PRDM12: variants seen among roughly 807,000 people sequenced by gnomAD.
PRDM12 encodes the protein PR/SET domain 12.
A neutral mutation model predicts 29.6 loss-of-function variants in PRDM12; 17 were observed. That is an observed-to-expected ratio of 0.57 (90% confidence interval 0.39 to 0.86). The LOEUF (loss-of-function observed/expected upper bound fraction) is 0.86, where lower values mean the gene tolerates loss of function less well. Ranked by LOEUF, PRDM12 falls within the 40% of genes least tolerant of loss-of-function variation. The pLI, the probability that PRDM12 is intolerant of heterozygous loss-of-function variation, is 0.00. For missense variants in PRDM12, 422 were observed against 510.8 expected (o/e 0.83, Z 1.68); for synonymous variants, 231 against 225.8 (o/e 1.02, Z -0.21).
At position 130,681,991 on chromosome 9, in the gene PRDM12, C is replaced by A. The variant is rs1031482786; in HGVS notation, c.*322C>A. On this transcript the variant is annotated 3_prime_UTR_variant, in exon 5 of 5. Coordinates refer to ENST00000253008, the MANE Select transcript of PRDM12 (RefSeq NM_021619.3). This position sits in a 1 kb window ranked among gnomAD's most constrained non-coding sequence, Gnocchi z 8.1. ...AGAGCCGGGCGCCCAGGCCGGCATC[C>A]CCCTCGTGGGTGGCAGGAGAGCGGA... 1 of 154,164 alleles carries A rather than the reference C, an allele frequency of 6.5e-6. No individual in the cohort carries two copies. Among genetic ancestry groups the A allele is most frequent in the Non-Finnish European group, 1.4e-5 (1 of 69,864 alleles). The allele number at this position is 154,164 out of a possible 1,614,324, so 9.5% of individuals were successfully genotyped here.
Position 130,676,265 on chromosome 9 carries a change from C to A in PRDM12, c.571-2264C>A, listed in dbSNP as rs572718465. On this transcript the variant is annotated intron_variant, in intron 3 of 4. Transcript: ENST00000253008. ...CAGCAATTTGGGAGACCGAGGCGGGCGGATCACGAGATCAGGAGATCGAGA... is the reference window on the plus strand; with the variant it reads ...CAGCAATTTGGGAGACCGAGGCGGGAGGATCACGAGATCAGGAGATCGAGA... Among the ~76,000 whole-genome samples, 8 of 152,116 alleles carry A rather than the reference C, an allele frequency of 5.3e-5. No homozygotes were observed. In the East Asian group the frequency reaches 1.4e-3, roughly 26 times the overall value.
intron 3 of PRDM12, among the ~76,000 whole-genome samples, chr9:130,671,341 TCAA>T (rs111668015): frequency 2.4e-4 from 35 of 148,186 alleles, no homozygotes; most frequent in Admixed American, 8.1e-4. Context: ...AGACTCCGTC[TCAA>T]CAACAACAAC....
In PRDM12 at chr9:130,664,599, C is replaced by T; in HGVS notation, c.-55C>T. 1 of 1,416,986 alleles carries T rather than the reference C, an allele frequency of 7.1e-7. No individual in the cohort carries two copies. Among genetic ancestry groups the T allele is most frequent in the Non-Finnish European group, 9.4e-7 (1 of 1,068,202 alleles). 87.8% of individuals were successfully genotyped at this position (1,416,986 alleles called of 1,614,324 possible). A position where few individuals can be genotyped will look rare whatever the true frequency, so the allele number is the denominator to read the frequency against. On this transcript the variant is annotated 5_prime_UTR_variant, in exon 1 of 5. Coordinates refer to ENST00000253008, the MANE Select transcript of PRDM12 (RefSeq NM_021619.3). This position sits in a 1 kb window ranked among gnomAD's most constrained non-coding sequence, Gnocchi z 6.4. ...CCCCTTGGGCTCCCCTCTCGCCCGC[C>T]CACCTCCCCCGTCGGCCCGGCCGTC...
In PRDM12 at chr9:130,681,723, G is replaced by C. The variant is rs1056114285; in HGVS notation, c.*54G>C. ...GCGCTCCTGGGTCCCCGGCACCCCGGCCCCGCAGCGCGACTCGCCCTCCAG... is the reference window on the plus strand; with the variant it reads ...GCGCTCCTGGGTCCCCGGCACCCCGCCCCCGCAGCGCGACTCGCCCTCCAG... On this transcript the variant is annotated 3_prime_UTR_variant, in exon 5 of 5. Transcript: ENST00000253008. The surrounding 1 kb of genome is among the most constrained non-coding windows in gnomAD (Gnocchi z 8.1). 7 of 979,840 alleles carry C rather than the reference G, an allele frequency of 7.1e-6. No individual in the cohort carries two copies. Among genetic ancestry groups the C allele is most frequent in the Non-Finnish European group, 8.5e-6 (7 of 826,274 alleles). 60.7% of individuals were successfully genotyped at this position (979,840 alleles called of 1,614,324 possible). A position where few individuals can be genotyped will look rare whatever the true frequency, so the allele number is the denominator to read the frequency against.
chr9:130,681,843 C>A lies in PRDM12; in HGVS notation c.*174C>A. On this transcript the variant is annotated 3_prime_UTR_variant, in exon 5 of 5. Coordinates refer to ENST00000253008, the MANE Select transcript of PRDM12 (RefSeq NM_021619.3). This position sits in a 1 kb window ranked among gnomAD's most constrained non-coding sequence, Gnocchi z 8.1. ...GGCACCCCCGCCTTGGCCCGTGTCGCAGATGAGGACACTGAGGGCGGCGTC... is the reference window on the plus strand; with the variant it reads ...GGCACCCCCGCCTTGGCCCGTGTCGAAGATGAGGACACTGAGGGCGGCGTC... 1.9e-6 allele frequency: 1 copy of A among 522,870 alleles called. No homozygotes were observed. Among genetic ancestry groups the A allele is most frequent in the Non-Finnish European group, 2.5e-6 (1 of 407,454 alleles). 32.4% of individuals were successfully genotyped at this position (522,870 alleles called of 1,614,324 possible). A position where few individuals can be genotyped will look rare whatever the true frequency, so the allele number is the denominator to read the frequency against.
intron 4 of PRDM12, among the ~76,000 whole-genome samples, chr9:130,680,659 A>ATATATATTTTTT: frequency 7.8e-4 from 56 of 72,162 alleles, no homozygotes; most frequent in African/African-American, 2.5e-3. Context: ...ATATATATAT[A>ATATATATTTTTT]TTTTTTTTTT....
At chr9:130,680,058 C>T (rs1198045955) in intron 4 of PRDM12, among the ~76,000 whole-genome samples, 7 of 151,980 alleles carry the variant, frequency 4.6e-5, no homozygotes, top group South Asian at 4.1e-4. Context: ...TTCTCTAGGC[C>T]GGGCATGGTG....
chr9:130,666,905 C>A, intron 2 of PRDM12, 107 bp downstream of exon 2: 1 of 1,419,928 alleles, frequency 7.0e-7, no homozygotes, highest in Non-Finnish European at 9.4e-7. Context: ...CTGAGAGCGG[C>A]GGACACTCCT....
Position 130,666,739 on chromosome 9 carries a change from G to A in PRDM12, c.355G>A (p.Gly119Ser). ...GGGAACCGAGATGGGCCCCTTCACC[G>A]GCCGCGTGATCGCCCCGGAGCACGT... ...KAGTEMGPFT[G>S]RVIAPEHVDI... is the part of the protein sequence containing the mutation. The change falls in exon 2 of 5, where the codon GGC becomes AGC. Residue 119 changes from glycine (G) to serine (S), a missense_variant. Around this residue, in one of 5 missense-constraint regions of PRDM12, gnomAD observed 300 missense variants for 350.0 expected, o/e 0.86. Transcript: ENST00000253008. 6.2e-7 allele frequency: 1 copy of A among 1,612,860 alleles called. No homozygotes were observed. The highest frequency in any genetic ancestry group is 1.1e-5 in the South Asian group (1 of 90,908).
In PRDM12 at chr9:130,668,091, T is replaced by C. The variant is rs747340320; in HGVS notation, c.415-67T>C. ...TGAGGATGGAGAGTGTGTGTGTGGA[T>C]GTGCCTGGAAGATGGTACACATGGC... On this transcript the variant is annotated intron_variant, in intron 2 of 4. Transcript: ENST00000253008. The surrounding 1 kb of genome is among the most constrained non-coding windows in gnomAD (Gnocchi z 4.0). 42 of 1,555,558 alleles carry C rather than the reference T, an allele frequency of 2.7e-5. No individual in the cohort carries two copies. Among genetic ancestry groups the C allele is most frequent in the Non-Finnish European group, 3.5e-5 (40 of 1,132,540 alleles).
chr9:130,670,780 A>G (rs955299547), intron 3 of PRDM12, among the ~76,000 whole-genome samples: 3 of 152,182 alleles, frequency 2.0e-5, no homozygotes, highest in African/African-American at 7.2e-5. Context: ...ACGCACACAC[A>G]TACCCACACA....
In PRDM12 at chr9:130,668,316, G is replaced by A. The variant is rs1252396641; in HGVS notation, c.570+3G>A. 3 of 1,608,132 alleles carry A rather than the reference G, an allele frequency of 1.9e-6. No individual in the cohort carries two copies. The East Asian group carries it at 6.7e-5, about 36-fold the overall frequency. Reference sequence around the variant, plus strand: ...GCATCTTCTACAAGGCCATTGAGGTGTGTGTGTGTGTGTGCACTGTTGTGT... The same window carrying A: ...GCATCTTCTACAAGGCCATTGAGGTATGTGTGTGTGTGTGCACTGTTGTGT... On this transcript the variant is annotated splice_donor_region_variant and intron_variant, in intron 3 of 4. Transcript: ENST00000253008. The surrounding 1 kb of genome is among the most constrained non-coding windows in gnomAD (Gnocchi z 4.0).
intron 3 of PRDM12, among the ~76,000 whole-genome samples, chr9:130,675,506 G>C (rs1830833845): frequency 6.6e-6 from 1 of 152,358 alleles, no homozygotes; most frequent in South Asian, 2.1e-4. Flanking sequence ...AGCTCTGCTG[G>C]CTCAGTGAGC....
chr9:130,675,041 G>A (rs1314037738), intron 3 of PRDM12, among the ~76,000 whole-genome samples: 1 of 152,002 alleles, frequency 6.6e-6, no homozygotes, highest in Non-Finnish European at 1.5e-5. Flanking sequence ...CACCACGCCT[G>A]GCTAATTTTT....
rs776616682 is a variant in PRDM12, at chr9:130,674,532, G to GTGTGTA, written c.571-3996_571-3995insGTGTAT. ...TGTGTGTGTGTGTGTGTGTGTGTGTGTATAGAAGTAATATGTGCTCATTAT... is the reference window on the plus strand; with the variant it reads ...TGTGTGTGTGTGTGTGTGTGTGTGTGTGTGTATATAGAAGTAATATGTGCTCATTAT... On this transcript the variant is annotated intron_variant, in intron 3 of 4. Coordinates refer to ENST00000253008, the MANE Select transcript of PRDM12 (RefSeq NM_021619.3). 3.5e-5 allele frequency among the ~76,000 whole-genome samples: 5 copies of GTGTGTA among 144,678 alleles called. 1 individual carries two copies. Among genetic ancestry groups the GTGTGTA allele is most frequent in the Admixed American group, 2.8e-4 (4 of 14,516 alleles). The allele number at this position is 144,678 out of a possible 152,430, so 94.9% of individuals were successfully genotyped here.
chr9:130,664,681 G>A lies in PRDM12; in HGVS notation c.28G>A (p.Ala10Thr). The change falls in exon 1 of 5, where the codon GCC (alanine) becomes ACC (threonine). Residue 10 changes from alanine to threonine, a missense_variant. By Grantham distance (58) the Ala-to-Thr change is moderately conservative. Coordinates refer to ENST00000253008, the MANE Select transcript of PRDM12 (RefSeq NM_021619.3). The surrounding 1 kb of genome is among the most constrained non-coding windows in gnomAD (Gnocchi z 6.4). ...GATGGGCTCCGTGCTCCCGGCTGAG[G>A]CCCTGGTGCTCAAGACCGGGCTGAA... Reference protein sequence around the residue: MMGSVLPAEALVLKTGLKAP... With the variant: MMGSVLPAETLVLKTGLKAP... The A allele has an allele frequency of 6.2e-7, 1 of 1,604,426 alleles. No homozygotes were observed. Among genetic ancestry groups the A allele is most frequent in the Non-Finnish European group, 8.5e-7 (1 of 1,178,108 alleles).
chr9:130,664,798 C>G lies in PRDM12; in HGVS notation c.145C>G (p.Leu49Val). The part of the protein sequence containing the change: ...GRWRNVLGEQ[L>V]FEDKSHHASP... ...CTGGCGCAACGTGCTCGGGGAGCAG[C>G]TCTTCGAGGACAAGAGCCACCACGC... is the stretch of plus-strand genomic sequence containing the variant. Residue 49 changes from leucine to valine, a missense_variant, in exon 1 of 5, where the codon CTC becomes GTC. Physicochemically the swap from Leu to Val is conservative, Grantham distance 32 (BLOSUM62 1). Transcript: ENST00000253008. The surrounding 1 kb of genome is among the most constrained non-coding windows in gnomAD (Gnocchi z 6.4). The G allele has an allele frequency of 6.3e-7, 1 of 1,588,682 alleles. No homozygotes were observed.
In PRDM12 at chr9:130,668,405, T is replaced by C; in HGVS notation, c.570+92T>C. ...GGGCAGCGGTGTCCAGGAACCACAG[T>C]GGACAGAGGGGAGCTGACACTGGCC... is the stretch of plus-strand genomic sequence containing the variant. On this transcript the variant is annotated intron_variant, in intron 3 of 4. Coordinates refer to ENST00000253008, the MANE Select transcript of PRDM12 (RefSeq NM_021619.3). This position sits in a 1 kb window ranked among gnomAD's most constrained non-coding sequence, Gnocchi z 4.0. The C allele has an allele frequency of 1.3e-6, 2 of 1,570,438 alleles. No homozygotes were observed. Among genetic ancestry groups the C allele is most frequent in the Admixed American group, 3.4e-5 (2 of 58,494 alleles).
chr9:130,667,757 C>T (rs549551234), intron 2 of PRDM12, among the ~76,000 whole-genome samples: 1 of 152,322 alleles, frequency 6.6e-6, no homozygotes, highest in South Asian at 2.1e-4. Flanking sequence ...GCCCTCCCTC[C>T]CTGGACTCCA....
Sources: allele counts gnomAD v4.1 joint callset (sites outside exome capture counted in the v4.1 genomes callset), GRCh38; gene constraint gnomAD v4.1.1; regional missense constraint gnomAD v4.1.1; non-coding constraint Gnocchi (gnomAD v3.1); transcripts MANE v1.5; gene names NCBI Gene and HGNC (gene_info 2026-07-23, HGNC 2026-07-21).